KCNG2: variants seen among roughly 807,000 people sequenced by gnomAD.
KCNG2 encodes the protein voltage-gated potassium channel regulatory subunit KCNG2.
In KCNG2, 7 loss-of-function variants were observed where a neutral mutation model predicts 12.3. The ratio of observed to expected loss-of-function variants is 0.57; its 90% CI spans 0.32 to 1.07. The LOEUF (loss-of-function observed/expected upper bound fraction) is 1.07, where lower values mean the gene tolerates loss of function less well. Ranked by LOEUF, KCNG2 falls within the 50% of genes least tolerant of loss-of-function variation. The pLI is 0.04. For missense variants in KCNG2, 703 were observed against 726.0 expected (o/e 0.97, Z 0.36); for synonymous variants, 414 against 351.4 (o/e 1.18, Z -1.99).
chr18:79,815,304 G>A (rs901304182), intron 1 of KCNG2, among the ~76,000 whole-genome samples: 1 of 152,058 alleles, frequency 6.6e-6, no homozygotes, highest in African/African-American at 2.4e-5. Context: ...ATCTGGGTGT[G>A]ATAGCAGACA....
intron 3 of KCNG2, among the ~76,000 whole-genome samples, chr18:79,876,580 T>C (rs1430815668): frequency 1.3e-5 from 2 of 152,252 alleles, no homozygotes; most frequent in Non-Finnish European, 2.9e-5. Flanking sequence ...TGCCCTCTTC[T>C]GCATCCACAG....
intron 1 of KCNG2, among the ~76,000 whole-genome samples, chr18:79,812,567 T>G (rs531564255): frequency 1.3e-5 from 2 of 152,134 alleles, no homozygotes; most frequent in African/African-American, 4.8e-5. Context: ...AAAAGAAAAC[T>G]AGAAAACTAT....
chr18:79,823,081 T>A (rs1282590913), intron 1 of KCNG2, among the ~76,000 whole-genome samples: 1 of 152,214 alleles, frequency 6.6e-6, no homozygotes. Flanking sequence ...GGCAGGCACC[T>A]GTGCATTTCA....
intron 1 of KCNG2, among the ~76,000 whole-genome samples, chr18:79,854,583 G>A (rs932446296): frequency 2.7e-5 from 4 of 150,428 alleles, no homozygotes; most frequent in Admixed American, 2.7e-4. Flanking sequence ...CTGGAGTGCG[G>A]TGGCGTGATC....
chr18:79,833,968 T>C (rs1292297768), intron 1 of KCNG2, among the ~76,000 whole-genome samples: 1 of 152,244 alleles, frequency 6.6e-6, no homozygotes, highest in Non-Finnish European at 1.5e-5. Context: ...GCACAGCTCC[T>C]GAGACAGGGC....
intron 1 of KCNG2, among the ~76,000 whole-genome samples, chr18:79,804,384 G>T (rs1430531764): frequency 6.6e-6 from 1 of 152,214 alleles, no homozygotes; most frequent in Non-Finnish European, 1.5e-5. Context: ...CAGGCTCCAG[G>T]GGGGACTCAG....
intron 3 of KCNG2, among the ~76,000 whole-genome samples, chr18:79,878,753 AAG>A (rs1369303703): frequency 1.3e-5 from 2 of 152,232 alleles, no homozygotes; most frequent in African/African-American, 4.8e-5. Context: ...AAAGGGAGAA[AAG>A]AGTGTAAATC....
chr18:79,839,274 A>G (rs1305356354), intron 1 of KCNG2, among the ~76,000 whole-genome samples: 3 of 152,218 alleles, frequency 2.0e-5, no homozygotes, highest in African/African-American at 4.8e-5. Context: ...AGCCTGGACA[A>G]CAGTGCAAGA....
At chr18:79,855,949 T>C (rs999166651) in intron 1 of KCNG2, among the ~76,000 whole-genome samples, 2 of 152,322 alleles carry the variant, frequency 1.3e-5, no homozygotes, top group Middle Eastern at 3.4e-3. Context: ...AGTTGGCCCA[T>C]TTTTTCTATT....
intron 1 of KCNG2, among the ~76,000 whole-genome samples, chr18:79,819,926 T>G (rs1408866170): frequency 1.3e-5 from 2 of 152,202 alleles, no homozygotes; most frequent in African/African-American, 2.4e-5. Flanking sequence ...TTCTAGGGAT[T>G]TCATGTAGGT....
intron 3 of KCNG2, among the ~76,000 whole-genome samples, chr18:79,890,699 G>T (rs1342396261): frequency 2.0e-5 from 3 of 152,168 alleles, no homozygotes; most frequent in African/African-American, 7.2e-5. Flanking sequence ...GAAGCATCTG[G>T]CCCTGGGCTT....
chr18:79,850,434 G>A (rs1345298829), intron 1 of KCNG2, among the ~76,000 whole-genome samples: 1 of 152,142 alleles, frequency 6.6e-6, no homozygotes, highest in East Asian at 1.9e-4. Context: ...TATTTCTTAA[G>A]TCAATTCTAG....
chr18:79,824,719 T>C (rs1398867590), intron 1 of KCNG2, among the ~76,000 whole-genome samples: 6 of 152,172 alleles, frequency 3.9e-5, no homozygotes, highest in Non-Finnish European at 7.3e-5. Context: ...ATGGAGATGA[T>C]TACATGACTT....
intron 1 of KCNG2, among the ~76,000 whole-genome samples, chr18:79,853,929 C>T (rs1978914312): frequency 6.6e-6 from 1 of 152,232 alleles, no homozygotes; most frequent in Non-Finnish European, 1.5e-5. Flanking sequence ...GGGGGCTTCC[C>T]CCTCTGGTTT....
At chr18:79,804,964 A>G (rs1412727002) in intron 1 of KCNG2, among the ~76,000 whole-genome samples, 1 of 152,174 alleles carries the variant, frequency 6.6e-6, no homozygotes. Flanking sequence ...GCACACACAC[A>G]TACGGGTGAA....
Position 79,864,095 on chromosome 18 carries a change from A to G in KCNG2, c.428A>G (p.Gln143Arg). 7 of 1,088,334 alleles carry G rather than the reference A, an allele frequency of 6.4e-6. No homozygotes were observed. Among genetic ancestry groups the G allele is most frequent in the Non-Finnish European group, 7.8e-6 (7 of 898,380 alleles). 67.4% of individuals were successfully genotyped at this position (1,088,334 alleles called of 1,614,324 possible). A position where few individuals can be genotyped will look rare whatever the true frequency, so the allele number is the denominator to read the frequency against. ...GCGGGGCCGACGGAGCGCGGGGCGC[A>G]GGGGAGCCCGGCGCGCGCCCTGGGA... is the stretch of plus-strand genomic sequence containing the variant. The part of the protein sequence containing the change: ...ARAGPTERGA[Q>R]GSPARALGPR... The change falls in exon 3 of 4, where the codon CAG becomes CGG. Residue 143 changes from glutamine to arginine, a missense_variant. Coordinates refer to ENST00000316249, the MANE Select transcript of KCNG2 (RefSeq NM_012283.2).
In KCNG2 at chr18:79,898,038, C is replaced by T. The variant is rs192117975; in HGVS notation, c.625-1002C>T. 1.4e-3 allele frequency among the ~76,000 whole-genome samples: 208 copies of T among 152,342 alleles called. 1 individual carries two copies. Among genetic ancestry groups the T allele is most frequent in the African/African-American group, 4.8e-3 (198 of 41,576 alleles). On this transcript the variant is annotated intron_variant, in intron 3 of 3. Coordinates refer to ENST00000316249, the MANE Select transcript of KCNG2 (RefSeq NM_012283.2). ...GCTCCTGCCAGCTGTCTTCTCCCCTCATTCCCCGGCACCTTAGCCAGCGTG... is the reference window on the plus strand; with the variant it reads ...GCTCCTGCCAGCTGTCTTCTCCCCTTATTCCCCGGCACCTTAGCCAGCGTG...
At chr18:79,798,730 G>T (rs963851278) in intron 1 of KCNG2, among the ~76,000 whole-genome samples, 3 of 152,214 alleles carry the variant, frequency 2.0e-5, no homozygotes, top group African/African-American at 7.2e-5. Context: ...AGCCTTGCCC[G>T]CCGAGCGCAG....
intron 1 of KCNG2, among the ~76,000 whole-genome samples, chr18:79,835,128 G>A (rs948292884): frequency 3.3e-5 from 5 of 152,180 alleles, no homozygotes; most frequent in African/African-American, 9.7e-5. Flanking sequence ...CACCATGGAT[G>A]TCAACAGAAG....
Sources: allele counts gnomAD v4.1 joint callset (sites outside exome capture counted in the v4.1 genomes callset), GRCh38; gene constraint gnomAD v4.1.1; transcripts MANE v1.5; gene names NCBI Gene and HGNC (gene_info 2026-07-23, HGNC 2026-07-21).